The following CCDC171 variants were observed in gnomAD, a reference collection of about 807,000 sequenced individuals.
CCDC171 encodes coiled-coil domain containing 171, also known as coiled-coil domain-containing protein 171.
Under a neutral mutation model 168.2 loss-of-function variants are expected in CCDC171, and 177 were observed. The observed-to-expected ratio is 1.05, with a 90% confidence interval of 0.93 to 1.19. The LOEUF is 1.19. CCDC171 is among the 50% of genes most tolerant of loss of function. The pLI is 0.00. For synonymous variants in CCDC171, 687 were observed against 540.8 expected, an observed-to-expected ratio of 1.27 and a Z score of -3.75; for missense variants, 1,991 against 1,539.0, an observed-to-expected ratio of 1.29 and a Z score of -4.91.
chr9:15,574,747 A>G (rs2040502680), intron 3 of CCDC171, among the ~76,000 whole-genome samples: 1 of 152,234 alleles, frequency 6.6e-6, no homozygotes, highest in South Asian at 2.1e-4. Flanking sequence ...TGCGAACACA[A>G]ATGCACGGTG....
chr9:15,828,232 A>G (rs2060094072), intron 21 of CCDC171, among the ~76,000 whole-genome samples: 1 of 152,166 alleles, frequency 6.6e-6, no homozygotes, highest in South Asian at 2.1e-4. Context: ...AGTGTTAAAG[A>G]TTTAAAAAGT....
chr9:15,688,204 A>G (rs950141495), intron 10 of CCDC171, among the ~76,000 whole-genome samples: 1 of 152,022 alleles, frequency 6.6e-6, no homozygotes, highest in Non-Finnish European at 1.5e-5. Flanking sequence ...TACAAAATAA[A>G]TCAAAAGAGA....
chr9:16,027,413 G>A (rs1833294872), intron 6 of CCDC171, among the ~76,000 whole-genome samples: 1 of 152,118 alleles, frequency 6.6e-6, no homozygotes, highest in Non-Finnish European at 1.5e-5. Context: ...CAGCTGGGTG[G>A]AGGGCGTCTC....
chr9:15,555,620 TC>T (rs1404406488), intron 1 of CCDC171, among the ~76,000 whole-genome samples: 2 of 152,272 alleles, frequency 1.3e-5, no homozygotes, highest in African/African-American at 4.8e-5. Context: ...TGGGTGTAAA[TC>T]CTGACCCTGT....
At chr9:15,904,070 G>A (rs1423445058) in intron 24 of CCDC171, among the ~76,000 whole-genome samples, 9 of 152,112 alleles carry the variant, frequency 5.9e-5, no homozygotes, top group South Asian at 2.1e-4. Flanking sequence ...TGAAAGTGAC[G>A]GGCAGAATGG....
chr9:15,672,726 C>G (rs779837680), intron 9 of CCDC171, among the ~76,000 whole-genome samples: 13 of 152,118 alleles, frequency 8.5e-5, no homozygotes, highest in Admixed American at 2.0e-4. Flanking sequence ...GTTTTGGTAC[C>G]AGTACCATGC....
rs149733295 is a variant in CCDC171 at position 16,020,378 on chromosome 9, A to T, written n.369-211A>T. Among the ~76,000 whole-genome samples the T allele has an allele frequency of 4.3e-3, 650 of 152,372 alleles. 3 individuals carry two copies. Among genetic ancestry groups the T allele is most frequent in the Non-Finnish European group, 6.5e-3 (439 of 68,036 alleles). On this transcript the variant is annotated intron_variant and non_coding_transcript_variant, in intron 3 of 9. Transcript: ENST00000486641. ...AACACTTCTGGTTCCAGGCATTTCCAATAAGGGATATTCAAACCATATATG... is the reference window on the plus strand; with the variant it reads ...AACACTTCTGGTTCCAGGCATTTCCTATAAGGGATATTCAAACCATATATG...
intron 3 of CCDC171, among the ~76,000 whole-genome samples, chr9:15,980,139 A>G (rs2132865574): frequency 6.6e-6 from 1 of 152,300 alleles, no homozygotes; most frequent in Non-Finnish European, 1.5e-5. Flanking sequence ...TTTTAGATGT[A>G]ATAATACAAA....
intron 21 of CCDC171, among the ~76,000 whole-genome samples, chr9:15,814,866 T>C (rs1370420780): frequency 6.6e-6 from 1 of 152,180 alleles, no homozygotes; most frequent in Non-Finnish European, 1.5e-5. Flanking sequence ...ATGAATATTG[T>C]ATATCGAAAG....
chr9:16,032,368 G>C (rs768686684), intron 6 of CCDC171, among the ~76,000 whole-genome samples: 1 of 152,210 alleles, frequency 6.6e-6, no homozygotes, highest in Non-Finnish European at 1.5e-5. Flanking sequence ...TTGCAAGCTT[G>C]GATGATGTGG....
At chr9:16,057,791 C>T (rs1035068770) in intron 1 of CCDC171, among the ~76,000 whole-genome samples, 3 of 152,166 alleles carry the variant, frequency 2.0e-5, no homozygotes, top group African/African-American at 7.2e-5. Flanking sequence ...AAGCTCCCCC[C>T]AGATGATATT....
chr9:15,908,603 T>A (rs913933384), intron 24 of CCDC171, among the ~76,000 whole-genome samples: 3 of 152,158 alleles, frequency 2.0e-5, no homozygotes, highest in Non-Finnish European at 4.4e-5. Flanking sequence ...CATGTATACA[T>A]ATGAACTAAC....
chr9:15,588,608 C>G (rs73644681), intron 4 of CCDC171: 4,578 of 291,478 alleles, frequency 0.016, 209 homozygotes, highest in African/African-American at 0.098. Flanking sequence ...GCTGGAGACG[C>G]CAAGTGAAAT....
intron 7 of CCDC171, among the ~76,000 whole-genome samples, chr9:15,625,642 T>G (rs2045012388): frequency 6.6e-6 from 1 of 152,218 alleles, no homozygotes; most frequent in African/African-American, 2.4e-5. Context: ...TGTGCTAATA[T>G]TTCTGAGGGC....
At chr9:16,095,095 G>A in the CCDC171 span, among the ~76,000 whole-genome samples, 1 of 152,178 alleles carries the variant, frequency 6.6e-6, no homozygotes, top group Non-Finnish European at 1.5e-5. Flanking sequence ...TGTACAGCCT[G>A]CAGAACCATG....
chr9:16,100,009 A>AG, the CCDC171 span, among the ~76,000 whole-genome samples: 1 of 152,020 alleles, frequency 6.6e-6, no homozygotes, highest in South Asian at 2.1e-4. Flanking sequence ...AAGTTAAAAA[A>AG]AAAAAAAGAA....
chr9:16,040,273 T>C (rs547748598), upstream of CCDC171, among the ~76,000 whole-genome samples: 299 of 152,268 alleles, frequency 2.0e-3, 1 homozygote, highest in Non-Finnish European at 3.3e-3. Flanking sequence ...TTCCTTATCT[T>C]GATCCCCCCA....
intron 11 of CCDC171, among the ~76,000 whole-genome samples, chr9:15,721,555 A>C (rs1275538883): frequency 6.7e-6 from 1 of 149,186 alleles, no homozygotes; most frequent in Non-Finnish European, 1.5e-5. Context: ...TTGTTTAGAA[A>C]GACTATTAAT....
intron 3 of CCDC171, among the ~76,000 whole-genome samples, chr9:15,982,584 G>A (rs16933874): frequency 0.076 from 11,584 of 152,084 alleles, 1,449 homozygotes; most frequent in African/African-American, 0.26. Flanking sequence ...GAGGAAGCAA[G>A]GGGTCTTTTT....
Sources: allele counts gnomAD v4.1 joint callset (sites outside exome capture counted in the v4.1 genomes callset), GRCh38; gene constraint gnomAD v4.1.1; transcripts MANE v1.5; gene names NCBI Gene and HGNC (gene_info 2026-07-23, HGNC 2026-07-21).